GPAT3: variants seen among roughly 807,000 people sequenced by gnomAD.
GPAT3 encodes 1-AGP acyltransferase 9.
In GPAT3, 53 loss-of-function variants were observed where a neutral mutation model predicts 58.8. That is an observed-to-expected ratio of 0.90 (90% CI 0.72 to 1.13). GPAT3 has a LOEUF of 1.13. GPAT3 is among the 50% of genes most tolerant of loss of function. GPAT3 has a pLI of 0.00. For synonymous variants in GPAT3, 197 were observed against 187.4 expected, an observed-to-expected ratio of 1.05 and a Z score of -0.42; for missense variants, 511 against 527.6, an observed-to-expected ratio of 0.97 and a Z score of 0.31.
At chr4:83,539,308 A>T (rs1724211045) in intron 1 of GPAT3, among the ~76,000 whole-genome samples, 1 of 152,122 alleles carries the variant, frequency 6.6e-6, no homozygotes, top group South Asian at 2.1e-4. Flanking sequence ...TTCTTAATTG[A>T]TTTAGTTGTA....
chr4:83,536,913 G>A, intron 1 of GPAT3, 150 bp downstream of exon 1: 1 of 724,426 alleles, frequency 1.4e-6, no homozygotes, highest in Non-Finnish European at 2.2e-6. Flanking sequence ...CCGCAGCAGT[G>A]CGAAAGTCAG....
rs867140889 is a variant in GPAT3 at position 83,548,496 on chromosome 4, T to G, written c.208+3894T>G. On this transcript the variant is annotated intron_variant, in intron 2 of 11. Coordinates refer to ENST00000264409, the MANE Select transcript of GPAT3 (RefSeq NM_032717.5). ...AAGATGAATTGTACTCTAATTGCAT[T>G]ATGACACTAGGACATTTTAAATGAT... Among the ~76,000 whole-genome samples the G allele has an allele frequency of 4.6e-5, 7 of 152,280 alleles. No individual in the cohort carries two copies. The South Asian group carries it at 1.5e-3, about 32-fold the overall frequency.
intron 2 of GPAT3, among the ~76,000 whole-genome samples, chr4:83,548,032 G>C (rs555637505): frequency 5.9e-5 from 9 of 152,154 alleles, no homozygotes; most frequent in African/African-American, 2.2e-4. Context: ...CAAAGAAAAA[G>C]GTAAATCTTT....
chr4:83,567,136 T>C (rs1016796015), intron 2 of GPAT3, among the ~76,000 whole-genome samples: 1 of 151,694 alleles, frequency 6.6e-6, no homozygotes, highest in Non-Finnish European at 1.5e-5. Context: ...TCTTTCCTAG[T>C]TTGTACTTCA....
intron 11 of GPAT3, among the ~76,000 whole-genome samples, chr4:83,601,244 A>G (rs1170623512): frequency 6.6e-6 from 1 of 152,154 alleles, no homozygotes; most frequent in African/African-American, 2.4e-5. Flanking sequence ...TTTATGCATC[A>G]TTTTGTTTAA....
At chr4:83,594,824 C>T (rs749133031) in intron 6 of GPAT3, 21 bp from the exon 7 acceptor site, 11 of 1,601,906 alleles carry the variant, frequency 6.9e-6, no homozygotes, top group Admixed American at 5.2e-5. Flanking sequence ...ACGTTTTTTC[C>T]TTTTCTTATG....
At chr4:83,582,661 G>A (rs1443394710) in intron 3 of GPAT3, among the ~76,000 whole-genome samples, 1 of 152,142 alleles carries the variant, frequency 6.6e-6, no homozygotes, top group Admixed American at 6.5e-5. Flanking sequence ...CACATGAATT[G>A]AAATCTTTTT....
At position 83,597,507 on chromosome 4, in the gene GPAT3, G is replaced by T. The variant is rs1177902302; in HGVS notation, c.988G>T (p.Ala330Ser). The T allele has an allele frequency of 6.4e-7, 1 of 1,551,918 alleles. No individual in the cohort carries two copies. Among genetic ancestry groups the T allele is most frequent in the Non-Finnish European group, 8.8e-7 (1 of 1,141,078 alleles). ...AATTGGAGGAACCATACATCCAGTTGCAATTAAGGTAAAACAGATACCATA... is the reference window on the plus strand; with the variant it reads ...AATTGGAGGAACCATACATCCAGTTTCAATTAAGGTAAAACAGATACCATA... ...FEIGGTIHPVAIKYNPQFGDA... is the reference protein window; with the variant it reads ...FEIGGTIHPVSIKYNPQFGDA... The change falls in exon 9 of 12, where the codon GCA becomes TCA. Residue 330 changes from alanine to serine, a missense_variant. Coordinates refer to ENST00000264409, the MANE Select transcript of GPAT3 (RefSeq NM_032717.5).
upstream of GPAT3, chr4:83,535,647 A>T: frequency 1.1e-6 from 1 of 946,532 alleles, no homozygotes; most frequent in Non-Finnish European, 1.3e-6. Context: ...TGTGCCAGGG[A>T]GATGGCGGCT....
intron 2 of GPAT3, among the ~76,000 whole-genome samples, chr4:83,573,950 C>T (rs1725695337): frequency 6.6e-6 from 1 of 152,118 alleles, no homozygotes; most frequent in Non-Finnish European, 1.5e-5. Flanking sequence ...GGATTTAGGA[C>T]TATATTTTTG....
intron 2 of GPAT3, among the ~76,000 whole-genome samples, chr4:83,578,649 C>A (rs1490970023): frequency 1.3e-5 from 2 of 152,164 alleles, no homozygotes; most frequent in Non-Finnish European, 2.9e-5. Context: ...TGTTGCACTG[C>A]TAAATACTGG....
chr4:83,583,671 A>G (rs1726253217), intron 3 of GPAT3, among the ~76,000 whole-genome samples: 1 of 141,666 alleles, frequency 7.1e-6, no homozygotes, highest in East Asian at 2.1e-4. Flanking sequence ...TTGTCTGAAA[A>G]AAAAAAAAAA....
intron 3 of GPAT3, among the ~76,000 whole-genome samples, chr4:83,586,378 G>T (rs1053523144): frequency 6.6e-6 from 1 of 152,152 alleles, no homozygotes; most frequent in Non-Finnish European, 1.5e-5. Context: ...TACTGCAGGG[G>T]TGGTCCCCTT....
chr4:83,549,532 A>ATAT (rs1371307426), intron 2 of GPAT3, among the ~76,000 whole-genome samples: 2 of 148,752 alleles, frequency 1.3e-5, no homozygotes, highest in Non-Finnish European at 3.0e-5. Context: ...TACATAATAT[A>ATAT]TATTATTATT....
At chr4:83,562,192 T>TAAA (rs1184218469) in intron 2 of GPAT3, among the ~76,000 whole-genome samples, 2 of 42,290 alleles carry the variant, frequency 4.7e-5, no homozygotes, top group African/African-American at 1.3e-4. Context: ...TATATATATA[T>TAAA]ATATATAATA....
chr4:83,602,847 G>A (rs1334204530), intron 11 of GPAT3, among the ~76,000 whole-genome samples: 2 of 152,200 alleles, frequency 1.3e-5, no homozygotes, highest in Non-Finnish European at 2.9e-5. Context: ...TTGGATAAAA[G>A]AGGCTTATGT....
intron 2 of GPAT3, among the ~76,000 whole-genome samples, chr4:83,553,752 A>T (rs1724839689): frequency 6.6e-6 from 1 of 152,022 alleles, no homozygotes; most frequent in Non-Finnish European, 1.5e-5. Context: ...TACAAAAAAT[A>T]GTCAGACATG....
chr4:83,540,928 G>A (rs781572006), intron 1 of GPAT3, among the ~76,000 whole-genome samples: 10 of 152,104 alleles, frequency 6.6e-5, no homozygotes, highest in Non-Finnish European at 1.3e-4. Context: ...GTCCTCAAGC[G>A]ATCTGCCCGC....
Position 83,605,485 on chromosome 4 carries a change from C to T in GPAT3, c.*718C>T, listed in dbSNP as rs936279145. 12 of 152,218 alleles carry T rather than the reference C, an allele frequency of 7.9e-5. No homozygotes were observed. Among genetic ancestry groups the T allele is most frequent in the African/African-American group, 2.9e-4 (12 of 41,356 alleles). The allele number at this position is 152,218 out of a possible 1,614,324, so 9.4% of individuals were successfully genotyped here. The stretch of plus-strand genomic sequence containing the variant: ...AATGCTGTAGATCTGTACCTAGTAC[C>T]CCTCCCATCTACTGATTTGTTTGTT... On this transcript the variant is annotated 3_prime_UTR_variant, in exon 12 of 12. Transcript: ENST00000264409.
Sources: allele counts gnomAD v4.1 joint callset (sites outside exome capture counted in the v4.1 genomes callset), GRCh38; gene constraint gnomAD v4.1.1; transcripts MANE v1.5; gene names NCBI Gene and HGNC (gene_info 2026-07-23, HGNC 2026-07-21).